Variants in PCDHGA9 observed in about 807,000 individuals in gnomAD.
PCDHGA9 encodes the protein protocadherin gamma-A9.
A neutral mutation model predicts 62.5 loss-of-function variants in PCDHGA9; 37 were observed. That is an observed-to-expected ratio of 0.59 (90% CI 0.46 to 0.78). PCDHGA9 has a LOEUF of 0.78. Among genes scored for constraint, PCDHGA9 ranks in the 30% least tolerant of loss-of-function variants. PCDHGA9 has a pLI of 0.00. For synonymous variants in PCDHGA9, 459 were observed against 484.6 expected (o/e 0.95, Z 0.69); for missense variants, 1,138 against 1,166.2 (o/e 0.98, Z 0.35).
chr5:141,470,479 C>T (rs2099231547), intron 1 of PCDHGA9, among the ~76,000 whole-genome samples: 1 of 152,078 alleles, frequency 6.6e-6, no homozygotes, highest in African/African-American at 2.4e-5. Flanking sequence ...ATTACTAACC[C>T]TCTGGGAATA....
At chr5:141,421,564 G>T (rs2096583836) in intron 1 of PCDHGA9, 2 of 1,613,864 alleles carry the variant, frequency 1.2e-6, no homozygotes, top group Admixed American at 3.3e-5. Flanking sequence ...TCTCGTGGAA[G>T]ACACCTTGAA....
chr5:141,423,805 G>GT (rs1384575574), intron 1 of PCDHGA9: 44 of 1,261,806 alleles, frequency 3.5e-5, no homozygotes, highest in South Asian at 8.9e-5. Context: ...AGCAATACAT[G>GT]TGAGTTTTAC....
chr5:141,495,982 T>C (rs2099765062), intron 2 of PCDHGA9, among the ~76,000 whole-genome samples: 2 of 152,144 alleles, frequency 1.3e-5, no homozygotes. Context: ...TACTCTTTCT[T>C]TATCTCTCTT....
intron 1 of PCDHGA9, chr5:141,426,510 T>C: frequency 2.9e-6 from 1 of 342,914 alleles, no homozygotes; most frequent in Non-Finnish European, 5.8e-6. Context: ...AACAATACTT[T>C]ACCGTGAACA....
intron 1 of PCDHGA9, chr5:141,409,547 G>A (rs760802690): frequency 1.2e-6 from 2 of 1,613,936 alleles, no homozygotes; most frequent in Non-Finnish European, 1.7e-6. Flanking sequence ...CAACGACAAC[G>A]CCCCAGTTTT....
In PCDHGA9 at chr5:141,486,752, C is replaced by G. The variant is rs776406247; in HGVS notation, c.2425-8055C>G. On this transcript the variant is annotated intron_variant, in intron 1 of 3. Transcript: ENST00000573521. The surrounding 1 kb of genome is among the most constrained non-coding windows in gnomAD (Gnocchi z 5.0). ...TGCTACTCGATCCTTTGACTATGAG[C>G]AAACCCAGACACTGCAGTTTGAGGT... 6.2e-7 allele frequency: 1 copy of G among 1,614,244 alleles called. No individual in the cohort carries two copies. The highest frequency in any genetic ancestry group is 1.3e-5 in the African/African-American group (1 of 75,080).
intron 1 of PCDHGA9, among the ~76,000 whole-genome samples, chr5:141,468,281 C>T (rs568875291): frequency 6.8e-6 from 1 of 147,354 alleles, no homozygotes; most frequent in African/African-American, 2.5e-5. Flanking sequence ...GCCGAGACCA[C>T]GCCATTGCAC....
chr5:141,457,429 C>A (rs73280316), intron 1 of PCDHGA9, among the ~76,000 whole-genome samples: 7 of 152,178 alleles, frequency 4.6e-5, no homozygotes, highest in Non-Finnish European at 7.4e-5. Flanking sequence ...TTTTCCCCCC[C>A]ACCAAGCTGC....
intron 3 of PCDHGA9, 87 bp from the exon 4 acceptor site, chr5:141,510,854 TGTATAG>T: frequency 6.2e-7 from 1 of 1,602,320 alleles, no homozygotes; most frequent in Non-Finnish European, 8.5e-7. Flanking sequence ...CCCAGGGTGC[TGTATAG>T]GCATTCATTA....
chr5:141,478,164 C>G lies in PCDHGA9; in HGVS notation c.2425-16643C>G, dbSNP rs202185809. On this transcript the variant is annotated intron_variant, in intron 1 of 3. Transcript: ENST00000573521. Reference sequence around the variant, plus strand: ...GCCGAGTTCCCCTCTGGCTCTGCCCCCCGGGAGCAGAAAAAAAATCTCACC... The same window carrying G: ...GCCGAGTTCCCCTCTGGCTCTGCCCGCCGGGAGCAGAAAAAAAATCTCACC... The G allele has an allele frequency of 1.0e-4, 167 of 1,613,890 alleles. No homozygotes were observed. Among genetic ancestry groups the G allele is most frequent in the Non-Finnish European group, 1.3e-4 (157 of 1,180,048 alleles).
At chr5:141,410,302 A>G (rs1332359508) in intron 1 of PCDHGA9, 1 of 1,613,356 alleles carries the variant, frequency 6.2e-7, no homozygotes, top group Non-Finnish European at 8.5e-7. Context: ...CCTTAATCTC[A>G]GTGCTCTTCC....
chr5:141,501,390 T>TCAC (rs1033806087), intron 2 of PCDHGA9, among the ~76,000 whole-genome samples: 4 of 151,794 alleles, frequency 2.6e-5, no homozygotes, highest in African/African-American at 9.7e-5. Flanking sequence ...CTAGGTCCTG[T>TCAC]CACAGGCCAC....
intron 1 of PCDHGA9, chr5:141,415,230 A>G (rs1222982593): frequency 6.2e-7 from 1 of 1,614,050 alleles, no homozygotes; most frequent in Non-Finnish European, 8.5e-7. Context: ...TCGAGTCTCC[A>G]GCTAACTCTG....
rs3074545 is a variant in PCDHGA9, at chr5:141,482,530, C to CAAAAAAA, written c.2425-12264_2425-12258dup. On this transcript the variant is annotated intron_variant, in intron 1 of 3. Coordinates refer to ENST00000573521, the MANE Select transcript of PCDHGA9 (RefSeq NM_018921.3). ...CAGAGTACAGTATGAGACAGACATG[C>CAAAAAAA]AAAAAAAAAAAAAAAAAAAGATAAT... Among the ~76,000 whole-genome samples the CAAAAAAA allele has an allele frequency of 6.5e-4, 50 of 76,534 alleles. 2 individuals are homozygous for CAAAAAAA. The highest frequency in any genetic ancestry group is 1.7e-3 in the African/African-American group (35 of 20,860). 50.2% of individuals were successfully genotyped at this position (76,534 alleles called of 152,430 possible).
Position 141,487,302 on chromosome 5 carries a change from C to T in PCDHGA9, c.2425-7505C>T, listed in dbSNP as rs763268817. 3.7e-6 allele frequency: 6 copies of T among 1,614,154 alleles called. No homozygotes were observed. The highest frequency in any genetic ancestry group is 3.4e-6 in the Non-Finnish European group (4 of 1,180,002). On this transcript the variant is annotated intron_variant, in intron 1 of 3. Transcript: ENST00000573521. This position sits in a 1 kb window ranked among gnomAD's most constrained non-coding sequence, Gnocchi z 5.0. ...TTTGTCTCCTTTGGCTCATTCGTGGCACTACTCTCTAAGTGTCTTCGTGGG... is the reference window on the plus strand; with the variant it reads ...TTTGTCTCCTTTGGCTCATTCGTGGTACTACTCTCTAAGTGTCTTCGTGGG...
At chr5:141,444,434 G>A (rs761353277) in intron 1 of PCDHGA9, among the ~76,000 whole-genome samples, 16 of 152,196 alleles carry the variant, frequency 1.1e-4, no homozygotes, top group Admixed American at 7.2e-4. Flanking sequence ...GCCTCCCAAA[G>A]TGCTGGGATT....
chr5:141,477,482 C>T lies in PCDHGA9; in HGVS notation c.2425-17325C>T, dbSNP rs1168724444. The T allele has an allele frequency of 6.2e-7, 1 of 1,614,118 alleles. No individual in the cohort carries two copies. Among genetic ancestry groups the T allele is most frequent in the Non-Finnish European group, 8.5e-7 (1 of 1,180,016 alleles). ...GTCCGACATCAATGACAACCCTCCA[C>T]AATCTTCTCAATCTTCCTACGACGT... is the stretch of plus-strand genomic sequence containing the variant. On this transcript the variant is annotated intron_variant, in intron 1 of 3. Coordinates refer to ENST00000573521, the MANE Select transcript of PCDHGA9 (RefSeq NM_018921.3). This position sits in a 1 kb window ranked among gnomAD's most constrained non-coding sequence, Gnocchi z 4.9.
In PCDHGA9 at chr5:141,490,951, T is replaced by C. The variant is rs778168052; in HGVS notation, c.2425-3856T>C. 20 of 1,613,640 alleles carry C rather than the reference T, an allele frequency of 1.2e-5. No homozygotes were observed. Among genetic ancestry groups the C allele is most frequent in the Middle Eastern group, 1.6e-4 (1 of 6,084 alleles). On this transcript the variant is annotated intron_variant, in intron 1 of 3. Coordinates refer to ENST00000573521, the MANE Select transcript of PCDHGA9 (RefSeq NM_018921.3). This position sits in a 1 kb window ranked among gnomAD's most constrained non-coding sequence, Gnocchi z 5.4. The stretch of plus-strand genomic sequence containing the variant: ...AGCTGTGCTGCACCCACGGCCAGAC[T>C]GGGAACACTCAGCCCCCCAGCGTCT...
chr5:141,436,998 A>G (rs985067199), intron 1 of PCDHGA9, among the ~76,000 whole-genome samples: 23 of 152,242 alleles, frequency 1.5e-4, no homozygotes, highest in South Asian at 2.1e-4. Flanking sequence ...GTTTACTTCA[A>G]TGGGATCTTA....
Sources: allele counts gnomAD v4.1 joint callset (sites outside exome capture counted in the v4.1 genomes callset), GRCh38; gene constraint gnomAD v4.1.1; non-coding constraint Gnocchi (gnomAD v3.1); transcripts MANE v1.5; gene names NCBI Gene and HGNC (gene_info 2026-07-23, HGNC 2026-07-21).